The following ZBTB20 variants were observed in gnomAD, a reference collection of about 807,000 sequenced individuals.
The protein encoded by ZBTB20 is zinc finger and BTB domain-containing protein 20.
A neutral mutation model predicts 56.9 loss-of-function variants in ZBTB20; 9 were observed. The ratio of observed to expected loss-of-function variants is 0.16; its 90% CI spans 0.10 to 0.28. ZBTB20 has a LOEUF of 0.28. ZBTB20 is among the 10% of genes least tolerant of loss of function. The probability of loss-of-function intolerance (pLI) is 1.00; values close to 1 mark genes in which losing one functional copy is unlikely to be tolerated. For synonymous variants in ZBTB20, 417 were observed against 420.7 expected (o/e 0.99, Z 0.11); for missense variants, 655 against 1,003.0 (o/e 0.65, Z 4.69).
chr3:115,037,447 C>A (rs2080973323), intron 2 of ZBTB20, among the ~76,000 whole-genome samples: 1 of 152,080 alleles, frequency 6.6e-6, no homozygotes, highest in Non-Finnish European at 1.5e-5. Flanking sequence ...CCATGCCCAG[C>A]TCAATTTTTG....
chr3:114,372,033 G>A (rs945553928), intron 10 of ZBTB20, among the ~76,000 whole-genome samples: 5 of 152,114 alleles, frequency 3.3e-5, no homozygotes, highest in Non-Finnish European at 4.4e-5. Flanking sequence ...CTTAAAGCAA[G>A]AAGTCCTTAA....
At chr3:114,875,934 T>G (rs1351257789) in intron 4 of ZBTB20, among the ~76,000 whole-genome samples, 1 of 152,080 alleles carries the variant, frequency 6.6e-6, no homozygotes, top group African/African-American at 2.4e-5. Flanking sequence ...TATTATACAT[T>G]ATGAATAATA....
intron 1 of ZBTB20, among the ~76,000 whole-genome samples, chr3:115,087,883 T>G (rs2083046228): frequency 6.6e-6 from 1 of 151,952 alleles, no homozygotes; most frequent in Admixed American, 6.6e-5. Flanking sequence ...AAATTAGCAG[T>G]CAAAGTTAAA....
At chr3:114,719,633 C>T (rs906390781) in intron 5 of ZBTB20, among the ~76,000 whole-genome samples, 9 of 152,036 alleles carry the variant, frequency 5.9e-5, no homozygotes, top group African/African-American at 1.4e-4. Flanking sequence ...AACCATATCA[C>T]GTAAGAAAAA....
Position 114,541,991 on chromosome 3 carries a change from A to T in ZBTB20, c.-294-41600T>A, listed in dbSNP as rs1577404570. 3.9e-5 allele frequency among the ~76,000 whole-genome samples: 6 copies of T among 152,346 alleles called. 1 individual carries two copies. Among genetic ancestry groups the T allele is most frequent in the Admixed American group, 3.9e-4 (6 of 15,292 alleles). On this transcript the variant is annotated intron_variant, in intron 6 of 11. Coordinates refer to ENST00000675478, the MANE Select transcript of ZBTB20 (RefSeq NM_001348800.3). Reference sequence around the variant, plus strand: ...AACTATTACTATTAAAGAATGAGTAATCATAATTTAATGATCATCTGGATG... The same window carrying T: ...AACTATTACTATTAAAGAATGAGTATTCATAATTTAATGATCATCTGGATG...
At position 115,118,740 on chromosome 3, in the gene ZBTB20, G is replaced by A. The variant is rs969328400; in HGVS notation, c.-703+28479C>T. Among the ~76,000 whole-genome samples the A allele has an allele frequency of 2.2e-4, 25 of 111,694 alleles. 1 individual carries two copies. The highest frequency in any genetic ancestry group is 1.4e-3 in the Admixed American group (12 of 8,360). The allele number at this position is 111,694 out of a possible 152,430, so 73.3% of individuals were successfully genotyped here. A position where few individuals can be genotyped will look rare whatever the true frequency, so the allele number is the denominator to read the frequency against. Reference sequence around the variant, plus strand: ...TTTTTTTTTTTTTTTTTTTTGAGACGGAGTCTCGCTCTGTCGCCCAGGCTG... The same window carrying A: ...TTTTTTTTTTTTTTTTTTTTGAGACAGAGTCTCGCTCTGTCGCCCAGGCTG... On this transcript the variant is annotated intron_variant, in intron 1 of 11. Transcript: ENST00000675478.
rs548496418 is a variant in ZBTB20 at position 114,946,128 on chromosome 3, A to G, written c.-456+28238T>C. Among the ~76,000 whole-genome samples, 24 of 145,754 alleles carry G rather than the reference A, an allele frequency of 1.6e-4. No homozygotes were observed. In the East Asian group the frequency reaches 4.6e-3, roughly 28 times the overall value. ...AACTTGGTAAAAAGTTGGTAGATAA[A>G]TAAAAGTTTTGAACACCAAGATTTA... On this transcript the variant is annotated intron_variant, in intron 3 of 11. Transcript: ENST00000675478.
intron 6 of ZBTB20, chr3:114,624,114 A>T (rs1280843713): frequency 6.6e-6 from 1 of 152,146 alleles, no homozygotes; most frequent in African/African-American, 2.4e-5. Flanking sequence ...CTCACCACTC[A>T]CCAGGACTAT....
At chr3:114,673,162 G>A (rs764993531) in intron 6 of ZBTB20, among the ~76,000 whole-genome samples, 4 of 152,154 alleles carry the variant, frequency 2.6e-5, no homozygotes, top group Non-Finnish European at 5.9e-5. Context: ...AGTAAGGACA[G>A]CGGGCCATTT....
chr3:114,373,032 T>A (rs1289332791), intron 10 of ZBTB20, among the ~76,000 whole-genome samples: 3 of 151,928 alleles, frequency 2.0e-5, no homozygotes, highest in Non-Finnish European at 2.9e-5. Flanking sequence ...TTCTCCTACC[T>A]CAGCCTCCCA....
chr3:114,880,161 G>C (rs925326832), intron 4 of ZBTB20, among the ~76,000 whole-genome samples: 4 of 152,114 alleles, frequency 2.6e-5, no homozygotes, highest in Non-Finnish European at 5.9e-5. Flanking sequence ...AAGTGGTCTC[G>C]ATCACTGAAT....
chr3:114,899,354 C>T (rs1481218345), intron 4 of ZBTB20, among the ~76,000 whole-genome samples: 1 of 152,044 alleles, frequency 6.6e-6, no homozygotes, highest in African/African-American at 2.4e-5. Flanking sequence ...GGATCAATAA[C>T]TACATCCAGC....
intron 2 of ZBTB20, among the ~76,000 whole-genome samples, chr3:115,016,565 G>T (rs1041202843): frequency 6.6e-6 from 1 of 151,524 alleles, no homozygotes; most frequent in African/African-American, 2.4e-5. Flanking sequence ...TTTATTAGAG[G>T]GAATCCTTTC....
At chr3:114,434,558 T>TGTGTGTG (rs1576744101) in intron 7 of ZBTB20, among the ~76,000 whole-genome samples, 52 of 146,050 alleles carry the variant, frequency 3.6e-4, no homozygotes, top group East Asian at 3.5e-3. Flanking sequence ...GTGTGTGTGT[T>TGTGTGTG]TGTGTGTGTG....
At chr3:115,027,518 C>T (rs920434770) in intron 2 of ZBTB20, 1 of 150,840 alleles carries the variant, frequency 6.6e-6, no homozygotes, top group African/African-American at 2.4e-5. Flanking sequence ...CTTGAAACTC[C>T]CATGTCCAAA....
intron 6 of ZBTB20, among the ~76,000 whole-genome samples, chr3:114,616,614 C>T (rs2057964094): frequency 6.6e-6 from 1 of 152,090 alleles, no homozygotes; most frequent in South Asian, 2.1e-4. Flanking sequence ...TCCCTTTTGT[C>T]ATCTTTCAAT....
rs141536728 is a variant in ZBTB20 at position 114,317,512 on chromosome 3, A to C, written c.*21493T>G. On this transcript the variant is annotated 3_prime_UTR_variant, in exon 12 of 12. Coordinates refer to ENST00000675478, the MANE Select transcript of ZBTB20 (RefSeq NM_001348800.3). ...TACAATGTTCAGGAAATGCTCTGAA[A>C]TCAAACGGATTTAGGCTGTCATGTA... The C allele has an allele frequency of 1.2e-4, 19 of 152,330 alleles. No individual in the cohort carries two copies. Among genetic ancestry groups the C allele is most frequent in the African/African-American group, 4.6e-4 (19 of 41,572 alleles). 9.4% of individuals were successfully genotyped at this position (152,330 alleles called of 1,614,324 possible).
At chr3:114,800,398 C>A (rs982709275) in intron 5 of ZBTB20, among the ~76,000 whole-genome samples, 3 of 151,770 alleles carry the variant, frequency 2.0e-5, no homozygotes, top group Non-Finnish European at 4.4e-5. Flanking sequence ...CTTCCAAGTA[C>A]ATTGACAAAA....
rs111286494 is a variant in ZBTB20, at chr3:115,035,544, A to AACACACACACAC, written c.-507+35663_-507+35674dup. Among the ~76,000 whole-genome samples, 448 of 147,948 alleles carry AACACACACACAC rather than the reference A, an allele frequency of 3.0e-3. 2 individuals carry two copies. The highest frequency in any genetic ancestry group is 9.4e-3 in the African/African-American group (380 of 40,618). On this transcript the variant is annotated intron_variant, in intron 2 of 11. Coordinates refer to ENST00000675478, the MANE Select transcript of ZBTB20 (RefSeq NM_001348800.3). ...ACACCAATTAGAATTGCTACTATCA[A>AACACACACACAC]ACACACACACACACACACACACACA... is the stretch of plus-strand genomic sequence containing the variant.
Sources: gnomAD v4.1 joint callset for allele counts (sites outside exome capture counted in the v4.1 genomes callset) on GRCh38, gnomAD v4.1.1 for gene constraint, MANE v1.5 for transcripts, NCBI Gene and HGNC (gene_info 2026-07-23, HGNC 2026-07-21) for gene names.